Variants in EYS observed in about 807,000 individuals in gnomAD.
EYS encodes EGF-like photoreceptor maintenance factor.
Under a neutral mutation model 282.1 loss-of-function variants are expected in EYS, and 250 were observed. The ratio of observed to expected loss-of-function variants is 0.89; its 90% confidence interval spans 0.80 to 0.98. The LOEUF (loss-of-function observed/expected upper bound fraction) is 0.98, where lower values mean the gene tolerates loss of function less well. Ranked by LOEUF, EYS falls within the 50% of genes least tolerant of loss-of-function variation. EYS has a pLI of 0.00. For missense variants in EYS, 4,016 were observed against 3,709.0 expected (o/e 1.08, Z -2.15); for synonymous variants, 1,355 against 1,282.9 (o/e 1.06, Z -1.20).
At position 63,760,904 on chromosome 6, in the gene EYS, T is replaced by G. The variant is rs540228222; in HGVS notation, c.8071+1557A>C. Among the ~76,000 whole-genome samples the G allele has an allele frequency of 2.6e-5, 4 of 152,136 alleles. No homozygotes were observed. In the East Asian group the frequency reaches 7.7e-4, roughly 29 times the overall value. ...TTACTTGTCATATTATTTATTTCCA[T>G]TTCTAAAAGCTATTCCTTTGGGAGT... On this transcript the variant is annotated intron_variant, in intron 41 of 42. Coordinates refer to ENST00000503581, the MANE Select transcript of EYS (RefSeq NM_001142800.2).
At chr6:64,577,198 C>T (rs1265485615) in intron 26 of EYS, among the ~76,000 whole-genome samples, 1 of 152,088 alleles carries the variant, frequency 6.6e-6, no homozygotes, top group Non-Finnish European at 1.5e-5. Context: ...CAATAAATCT[C>T]TGCTGTTTTG....
At chr6:64,411,982 A>ATATATGCATGCATATATGT (rs1773915723) in intron 28 of EYS, among the ~76,000 whole-genome samples, 1 of 83,598 alleles carries the variant, frequency 1.2e-5, no homozygotes, top group African/African-American at 3.7e-5. Context: ...AGTATATATA[A>ATATATGCATGCATATATGT]AATGATAAAT....
chr6:65,644,161 TC>T (rs1287047165), intron 1 of EYS, among the ~76,000 whole-genome samples: 2 of 151,734 alleles, frequency 1.3e-5, no homozygotes, highest in Non-Finnish European at 2.9e-5. Flanking sequence ...CAACTTGAAA[TC>T]AAAAACATGA....
intron 14 of EYS, among the ~76,000 whole-genome samples, chr6:64,955,340 G>GA (rs535622927): frequency 2.3e-3 from 352 of 150,832 alleles, no homozygotes; most frequent in African/African-American, 7.6e-3. Context: ...TCAAAAAAAT[G>GA]AAAAAAAAAT....
chr6:64,752,813 T>C (rs926828861), intron 22 of EYS, among the ~76,000 whole-genome samples: 10 of 152,244 alleles, frequency 6.6e-5, no homozygotes, highest in Middle Eastern at 3.4e-3. Flanking sequence ...ATTTCTCAAT[T>C]GATACCTCAG....
In EYS at chr6:64,556,313, A is replaced by G. The variant is rs188529535; in HGVS notation, c.5644+33910T>C. On this transcript the variant is annotated intron_variant, in intron 26 of 42. Transcript: ENST00000503581. Reference sequence around the variant, plus strand: ...ATTTAACAATCAAAATGAATGAACTATGGGTACATGCAGCAGTAAAGATAA... The same window carrying G: ...ATTTAACAATCAAAATGAATGAACTGTGGGTACATGCAGCAGTAAAGATAA... Among the ~76,000 whole-genome samples, 220 of 152,126 alleles carry G rather than the reference A, an allele frequency of 1.4e-3. 2 individuals are homozygous for G. The highest frequency in any genetic ancestry group is 7.7e-4 in the Non-Finnish European group (52 of 67,894).
intron 29 of EYS, among the ~76,000 whole-genome samples, chr6:64,346,609 T>G (rs953659074): frequency 4.6e-5 from 7 of 151,478 alleles, no homozygotes; most frequent in Non-Finnish European, 1.0e-4. Context: ...GCTAAATGAC[T>G]AGTTAATGGG....
At chr6:64,395,113 A>T (rs533392311) in intron 28 of EYS, among the ~76,000 whole-genome samples, 1 of 152,244 alleles carries the variant, frequency 6.6e-6, no homozygotes, top group South Asian at 2.1e-4. Context: ...AATGGCGATC[A>T]TTAAAAAGTC....
At chr6:65,438,065 T>C (rs1768149388) in intron 5 of EYS, among the ~76,000 whole-genome samples, 1 of 142,106 alleles carries the variant, frequency 7.0e-6, no homozygotes, top group Non-Finnish European at 1.5e-5. Context: ...GTCCAAGTGT[T>C]CTTATTGTTC....
At chr6:64,013,793 G>T (rs1174628272) in intron 33 of EYS, among the ~76,000 whole-genome samples, 1 of 151,686 alleles carries the variant, frequency 6.6e-6, no homozygotes, top group Non-Finnish European at 1.5e-5. Context: ...CAACTTCACT[G>T]TTGCCATTTC....
chr6:65,628,812 T>C (rs546514434), intron 2 of EYS, among the ~76,000 whole-genome samples: 308 of 152,190 alleles, frequency 2.0e-3, no homozygotes, highest in African/African-American at 7.2e-3. Context: ...ACCGCGAGGG[T>C]CCGCGGCTTC....
intron 9 of EYS, among the ~76,000 whole-genome samples, chr6:65,350,987 T>A (rs962314433): frequency 2.0e-5 from 3 of 151,718 alleles, no homozygotes; most frequent in Admixed American, 6.6e-5. Flanking sequence ...TCAATTACAT[T>A]TTATATTTCG....
At chr6:65,673,211 C>A (rs9363418) in intron 1 of EYS, among the ~76,000 whole-genome samples, 4 of 151,566 alleles carry the variant, frequency 2.6e-5, no homozygotes, top group Non-Finnish European at 4.4e-5. Flanking sequence ...GTTGGAGTGG[C>A]GAAAATTTTG....
chr6:65,127,990 A>C (rs1045008898), intron 12 of EYS, among the ~76,000 whole-genome samples: 2 of 152,056 alleles, frequency 1.3e-5, no homozygotes, highest in African/African-American at 4.8e-5. Context: ...ATAATAACTT[A>C]CATGATGAAA....
At chr6:63,735,468 C>T (rs1027669346) in intron 41 of EYS, among the ~76,000 whole-genome samples, 2 of 151,306 alleles carry the variant, frequency 1.3e-5, no homozygotes, top group African/African-American at 2.4e-5. Flanking sequence ...CTGTCTCTGT[C>T]TTCCTGTGTC....
At chr6:65,206,231 A>G (rs972018506) in intron 12 of EYS, among the ~76,000 whole-genome samples, 1 of 151,754 alleles carries the variant, frequency 6.6e-6, no homozygotes, top group Non-Finnish European at 1.5e-5. Flanking sequence ...CAGAAATAGA[A>G]AAGATCACCA....
intron 35 of EYS, among the ~76,000 whole-genome samples, chr6:63,896,969 G>A (rs1773551120): frequency 1.3e-5 from 2 of 151,904 alleles, no homozygotes; most frequent in African/African-American, 2.4e-5. Flanking sequence ...TCCAAGTTTT[G>A]GAAATTATGA....
At chr6:64,592,078 C>T in intron 25 of EYS, 89 bp from the exon 26 acceptor site, 1 of 840,196 alleles carries the variant, frequency 1.2e-6, no homozygotes, top group Non-Finnish European at 1.8e-6. Flanking sequence ...GCAAATTGCA[C>T]TGGCACCTTA....
At chr6:64,626,286 C>A in intron 22 of EYS, 41 bp from the exon 23 acceptor site, 1 of 1,500,220 alleles carries the variant, frequency 6.7e-7, no homozygotes, top group Non-Finnish European at 8.8e-7. Flanking sequence ...ATATATTATA[C>A]ACATGAGCAC....
Sources: gnomAD v4.1 joint callset for allele counts (sites outside exome capture counted in the v4.1 genomes callset) on GRCh38, gnomAD v4.1.1 for gene constraint, MANE v1.5 for transcripts, NCBI Gene and HGNC (gene_info 2026-07-23, HGNC 2026-07-21) for gene names.